ADAM9: variants seen among roughly 807,000 people sequenced by gnomAD.
ADAM9 encodes the protein ADAM metallopeptidase domain 9.
ADAM9 carries 54 observed loss-of-function variants against 108.1 expected under a neutral mutation model. The ratio of observed to expected loss-of-function variants is 0.50; its 90% CI spans 0.40 to 0.63. The LOEUF is 0.63. ADAM9 is among the 20% of genes least tolerant of loss of function. The probability of loss-of-function intolerance (pLI) is 0.00; values close to 1 mark genes in which losing one functional copy is unlikely to be tolerated. For synonymous variants in ADAM9, 316 were observed against 336.0 expected (o/e 0.94, Z 0.65); for missense variants, 830 against 997.7 (o/e 0.83, Z 2.26).
chr8:39,002,493 A>G (rs4128872), intron 1 of ADAM9, among the ~76,000 whole-genome samples: 1 of 147,610 alleles, frequency 6.8e-6, no homozygotes, highest in African/African-American at 2.5e-5. Flanking sequence ...TAATTTTTGT[A>G]TTTTTTTTTA....
Position 39,091,295 on chromosome 8 carries a change from G to A in ADAM9, c.2247G>A (p.Gln749=), listed in dbSNP as rs1319698239. ...DGKNQANPSR[Q]PGSVPRHVSP... ...AAAATCAAGCAAACCCTTCTAGACA[G>A]CCGGGGAGTGTTCCTCGACATGTTT... Residue 749 remains glutamine (Q), a synonymous_variant, in exon 20 of 22, where the codon CAG becomes CAA. Transcript: ENST00000487273. The A allele has an allele frequency of 6.2e-7, 1 of 1,614,040 alleles. No individual in the cohort carries two copies. The highest frequency in any genetic ancestry group is 8.5e-7 in the Non-Finnish European group (1 of 1,180,024).
chr8:39,021,093 G>A (rs1411930099), intron 7 of ADAM9, among the ~76,000 whole-genome samples: 1 of 152,060 alleles, frequency 6.6e-6, no homozygotes, highest in African/African-American at 2.4e-5. Flanking sequence ...TACTAATTTG[G>A]ATAAAATGAA....
intron 21 of ADAM9, among the ~76,000 whole-genome samples, chr8:39,102,603 CA>C (rs1477039004): frequency 1.3e-5 from 2 of 151,624 alleles, no homozygotes; most frequent in Non-Finnish European, 2.9e-5. Flanking sequence ...TGCTCATGAT[CA>C]AAAAAAGCCA....
chr8:39,103,576 ACT>A lies in ADAM9; in HGVS notation c.2367-28_2367-27del, dbSNP rs756273079. The A allele has an allele frequency of 5.0e-6, 8 of 1,595,088 alleles. No homozygotes were observed. In the South Asian group the frequency reaches 8.8e-5, roughly 18 times the overall value. ...TGGCATTATTTCACCCAGTCTAAAC[ACT>A]CTATTAACTATCTCTTTTCCCCTCG... On this transcript the variant is annotated intron_variant, in intron 21 of 21. Transcript: ENST00000487273.
chr8:39,070,036 C>G (rs1015713551), intron 14 of ADAM9, among the ~76,000 whole-genome samples: 5 of 149,210 alleles, frequency 3.4e-5, no homozygotes, highest in Non-Finnish European at 7.4e-5. Context: ...GCCTGCATTT[C>G]CATCTACTTA....
intron 18 of ADAM9, among the ~76,000 whole-genome samples, chr8:39,084,737 C>T (rs893085611): frequency 6.6e-6 from 1 of 151,982 alleles, no homozygotes; most frequent in Non-Finnish European, 1.5e-5. Flanking sequence ...TCGGATCTTT[C>T]ATATCCTTAC....
At chr8:39,054,194 GA>G (rs897996050) in intron 12 of ADAM9, among the ~76,000 whole-genome samples, 1 of 152,154 alleles carries the variant, frequency 6.6e-6, no homozygotes, top group African/African-American at 2.4e-5. Context: ...AGAACTGTGA[GA>G]AAATAAATTT....
At chr8:39,069,228 T>C (rs1838597344) in intron 14 of ADAM9, among the ~76,000 whole-genome samples, 1 of 152,114 alleles carries the variant, frequency 6.6e-6, no homozygotes, top group Non-Finnish European at 1.5e-5. Flanking sequence ...CCAGTTCCAT[T>C]GTCTGTGGGT....
intron 20 of ADAM9, among the ~76,000 whole-genome samples, 185 bp downstream of exon 20, chr8:39,091,531 G>A (rs77885189): frequency 0.07 from 10,649 of 152,156 alleles, 511 homozygotes; most frequent in Non-Finnish European, 0.1. Context: ...TCTGTTGCCC[G>A]GGGTGGAGTA....
intron 8 of ADAM9, among the ~76,000 whole-genome samples, chr8:39,022,113 A>T (rs1383190616): frequency 6.6e-6 from 1 of 151,600 alleles, no homozygotes; most frequent in African/African-American, 2.4e-5. Context: ...AGAGAGAGAG[A>T]GAGAGAGAAA....
intron 11 of ADAM9, among the ~76,000 whole-genome samples, chr8:39,027,356 A>C (rs921542789): frequency 6.6e-6 from 1 of 152,232 alleles, no homozygotes; most frequent in Non-Finnish European, 1.5e-5. Context: ...GGCAAGACAG[A>C]GAAGAGGAGA....
rs1326875609 is a variant in ADAM9 at position 39,094,425 on chromosome 8, A to G, written c.2298+3079A>G. Among the ~76,000 whole-genome samples, 7 of 152,112 alleles carry G rather than the reference A, an allele frequency of 4.6e-5. No homozygotes were observed. The East Asian group carries it at 1.2e-3, about 25-fold the overall frequency. ...CTTGTCTGGCTTTGGTTTCAGGGTA[A>G]TGCTGGCCTTGTAAAATGAGTTTGG... On this transcript the variant is annotated intron_variant, in intron 20 of 21. Coordinates refer to ENST00000487273, the MANE Select transcript of ADAM9 (RefSeq NM_003816.3).
intron 20 of ADAM9, 99 bp downstream of exon 20, chr8:39,091,445 A>T: frequency 9.2e-7 from 1 of 1,090,606 alleles, no homozygotes; most frequent in Non-Finnish European, 1.4e-6. Context: ...AGAAACATAG[A>T]TACCTTCTTA....
chr8:39,009,740 G>A (rs1248163938), intron 2 of ADAM9, among the ~76,000 whole-genome samples: 1 of 152,160 alleles, frequency 6.6e-6, no homozygotes, highest in East Asian at 1.9e-4. Flanking sequence ...ATTCAACAGT[G>A]AATGTAATTA....
chr8:39,055,551 G>C, intron 13 of ADAM9, 26 bp from the exon 14 acceptor site: 2 of 1,608,714 alleles, frequency 1.2e-6, no homozygotes, highest in Non-Finnish European at 1.7e-6. Context: ...TGATATTTCT[G>C]TTTAATTTGA....
intron 11 of ADAM9, among the ~76,000 whole-genome samples, chr8:39,034,006 A>G (rs1564277154): frequency 6.6e-6 from 1 of 152,208 alleles, no homozygotes; most frequent in Admixed American, 6.5e-5. Flanking sequence ...GACGACAACA[A>G]CAACAACAAA....
chr8:39,076,952 T>G (rs1838866786), intron 15 of ADAM9, among the ~76,000 whole-genome samples: 1 of 152,220 alleles, frequency 6.6e-6, no homozygotes, highest in Admixed American at 6.5e-5. Context: ...GCTGTTGAGC[T>G]CTAGACAGAC....
intron 16 of ADAM9, among the ~76,000 whole-genome samples, chr8:39,080,352 A>G (rs1289441684): frequency 5.9e-5 from 9 of 152,112 alleles, no homozygotes; most frequent in Non-Finnish European, 1.5e-5. Context: ...ACATATATCA[A>G]TGTATTTTTA....
chr8:39,059,834 T>C (rs1367493200), intron 14 of ADAM9, among the ~76,000 whole-genome samples: 1 of 152,228 alleles, frequency 6.6e-6, no homozygotes. Context: ...CCGTCTTCTT[T>C]TCTACTGTCA....
Sources: gnomAD v4.1 joint callset for allele counts (sites outside exome capture counted in the v4.1 genomes callset) on GRCh38, gnomAD v4.1.1 for gene constraint, MANE v1.5 for transcripts, NCBI Gene and HGNC (gene_info 2026-07-23, HGNC 2026-07-21) for gene names.